Variants in RFC1 observed in about 807,000 individuals in gnomAD.
RFC1 encodes the protein A1 140 kDa subunit.
Under a neutral mutation model 137.4 loss-of-function variants are expected in RFC1, and 37 were observed. That is an observed-to-expected ratio of 0.27 (90% CI 0.21 to 0.35). The LOEUF is 0.35. Among genes scored for constraint, RFC1 ranks in the 10% least tolerant of loss-of-function variants. The probability of loss-of-function intolerance (pLI) is 1.00; values close to 1 mark genes in which losing one functional copy is unlikely to be tolerated. For synonymous variants in RFC1, 429 were observed against 455.7 expected (o/e 0.94, Z 0.75); for missense variants, 1,205 against 1,358.5 (o/e 0.89, Z 1.78).
At chr4:39,327,449 A>C in intron 5 of RFC1, 75 bp downstream of exon 5, 1 of 847,734 alleles carries the variant, frequency 1.2e-6, no homozygotes, top group Non-Finnish European at 1.8e-6. Context: ...TATTTACTAC[A>C]TCCTAGTTTC....
chr4:39,348,484 A>G (rs569249903), intron 2 of RFC1, among the ~76,000 whole-genome samples: 38 of 103,440 alleles, frequency 3.7e-4, no homozygotes, highest in Non-Finnish European at 4.7e-4. Flanking sequence ...GAAAAGAAAA[A>G]GCATGTTCTA....
At chr4:39,328,377 T>C (rs1578142445) in intron 4 of RFC1, among the ~76,000 whole-genome samples, 1 of 152,170 alleles carries the variant, frequency 6.6e-6, no homozygotes, top group Non-Finnish European at 1.5e-5. Context: ...AGGAAACAGA[T>C]ATACAAATAA....
At chr4:39,343,677 CG>C (rs2109734748) in intron 3 of RFC1, among the ~76,000 whole-genome samples, 1 of 152,290 alleles carries the variant, frequency 6.6e-6, no homozygotes, top group Non-Finnish European at 1.5e-5. Context: ...AAGAGGAACG[CG>C]TACTTCTTTC....
At chr4:39,299,908 C>T (rs1328950255) in intron 21 of RFC1, 113 bp downstream of exon 21, 34 of 690,172 alleles carry the variant, frequency 4.9e-5, no homozygotes, top group Non-Finnish European at 7.4e-5. Context: ...GAGCGAGACT[C>T]GATCTCAAAA....
intron 19 of RFC1, among the ~76,000 whole-genome samples, chr4:39,300,713 G>T (rs998543011): frequency 2.0e-5 from 3 of 152,122 alleles, no homozygotes; most frequent in African/African-American, 7.2e-5. Flanking sequence ...TGTCCTTTTA[G>T]TAGGTAAATA....
chr4:39,347,130 T>G (rs1026619853), intron 2 of RFC1, among the ~76,000 whole-genome samples: 5 of 152,242 alleles, frequency 3.3e-5, no homozygotes, highest in Middle Eastern at 3.2e-3. Context: ...GAGGCTAATT[T>G]CATATGTGAA....
chr4:39,299,475 T>C (rs574098210), intron 21 of RFC1, among the ~76,000 whole-genome samples: 1 of 151,736 alleles, frequency 6.6e-6, no homozygotes, highest in South Asian at 2.1e-4. Context: ...TAGCTGGGCG[T>C]GGTGACGGGC....
At chr4:39,348,079 C>T (rs1292964448) in intron 2 of RFC1, among the ~76,000 whole-genome samples, 1 of 152,012 alleles carries the variant, frequency 6.6e-6, no homozygotes, top group African/African-American at 2.4e-5. Context: ...CCAAAAGGGA[C>T]CAGAACTTGA....
In RFC1 at chr4:39,365,515, T is replaced by C. The variant is rs1468622149; in HGVS notation, c.3+724A>G. The C allele has an allele frequency of 4.1e-6, 4 of 985,098 alleles. No individual in the cohort carries two copies. In the African/African-American group the frequency reaches 7.0e-5, roughly 17 times the overall value. 61.0% of individuals were successfully genotyped at this position (985,098 alleles called of 1,614,324 possible). A position where few individuals can be genotyped will look rare whatever the true frequency, so the allele number is the denominator to read the frequency against. ...ATAATCATTTCACTTTCAATTTGTT[T>C]GAACATTTTATCCAGAATTATGCAG... On this transcript the variant is annotated intron_variant, in intron 1 of 24. Transcript: ENST00000349703.
intron 2 of RFC1, among the ~76,000 whole-genome samples, chr4:39,347,046 T>C (rs748352708): frequency 6.6e-6 from 1 of 152,208 alleles, no homozygotes; most frequent in Non-Finnish European, 1.5e-5. Context: ...CCAAAGTTCC[T>C]ACACTGTATC....
At chr4:39,334,819 G>A (rs935271774) in intron 4 of RFC1, among the ~76,000 whole-genome samples, 3 of 152,104 alleles carry the variant, frequency 2.0e-5, no homozygotes, top group Admixed American at 6.5e-5. Context: ...AATGTGGTAC[G>A]AACAACCAAG....
rs756120296 is a variant in RFC1, at chr4:39,327,596, T to C, written c.492A>G (p.Ser164=). 1.9e-5 allele frequency: 30 copies of C among 1,613,678 alleles called. No homozygotes were observed. Among genetic ancestry groups the C allele is most frequent in the South Asian group, 1.3e-4 (12 of 91,036 alleles). ...TTCCAGTTCCAAAATAATCAAGTAC[T>C]GATGTGGGTGTAAGTTTTATTGGTG... is the stretch of plus-strand genomic sequence containing the variant. ...PLSPIKLTPT[S]VLDYFGTGSV... is the part of the protein sequence containing the mutation. The change falls in exon 5 of 25, where the codon TCA becomes TCG. Residue 164 remains serine, a synonymous_variant. Transcript: ENST00000349703.
intron 2 of RFC1, among the ~76,000 whole-genome samples, chr4:39,347,166 A>T (rs1200815539): frequency 6.6e-6 from 1 of 152,244 alleles, no homozygotes; most frequent in East Asian, 1.9e-4. Context: ...AGATGTCCAG[A>T]TATTTGGTCA....
At chr4:39,332,141 C>A (rs1271250740) in intron 4 of RFC1, among the ~76,000 whole-genome samples, 1 of 152,214 alleles carries the variant, frequency 6.6e-6, no homozygotes, top group African/African-American at 2.4e-5. Context: ...GTCCAATAAA[C>A]CTCTTTCTTT....
intron 11 of RFC1, 78 bp from the exon 12 acceptor site, chr4:39,311,627 T>A: frequency 1.0e-6 from 1 of 1,004,498 alleles, no homozygotes; most frequent in African/African-American, 1.6e-5. Context: ...AAAAAAATTC[T>A]AGGGCCTATT....
intron 19 of RFC1, among the ~76,000 whole-genome samples, chr4:39,302,031 T>C (rs1007452741): frequency 3.1e-4 from 47 of 152,224 alleles, no homozygotes; most frequent in African/African-American, 1.1e-3. Flanking sequence ...CATTTTATAA[T>C]TGTTGAAGCA....
At chr4:39,344,151 CAGAA>C (rs571931971) in intron 3 of RFC1, among the ~76,000 whole-genome samples, 85 of 150,738 alleles carry the variant, frequency 5.6e-4, no homozygotes, top group Admixed American at 4.6e-3. Flanking sequence ...AAAAATAAAA[CAGAA>C]AGAGAGAATT....
At position 39,288,398 on chromosome 4, in the gene RFC1, C is replaced by A. The variant is rs534549136; in HGVS notation, c.*363G>T. 1 of 166,390 alleles carries A rather than the reference C, an allele frequency of 6.0e-6. No homozygotes were observed. Among genetic ancestry groups the A allele is most frequent in the African/African-American group, 2.4e-5 (1 of 42,086 alleles). 10.3% of individuals were successfully genotyped at this position (166,390 alleles called of 1,614,324 possible). On this transcript the variant is annotated 3_prime_UTR_variant, in exon 25 of 25. Coordinates refer to ENST00000349703, the MANE Select transcript of RFC1 (RefSeq NM_002913.5). ...CCTATAAAGGCCATTAGGATAAATT[C>A]TTAAGCCTACAAAAGACGCCTTAGT...
chr4:39,340,340 G>A lies in RFC1; in HGVS notation c.331+2005C>T, dbSNP rs537200061. On this transcript the variant is annotated intron_variant, in intron 4 of 24. Coordinates refer to ENST00000349703, the MANE Select transcript of RFC1 (RefSeq NM_002913.5). ...CATGTCATATGACACTTTTTCACAA[G>A]AAGCTCCAATCTCCAGACAATCAAT... 2.6e-5 allele frequency among the ~76,000 whole-genome samples: 4 copies of A among 152,226 alleles called. No individual in the cohort carries two copies. The East Asian group carries it at 7.7e-4, about 29-fold the overall frequency.
Sources: allele counts gnomAD v4.1 joint callset (sites outside exome capture counted in the v4.1 genomes callset), GRCh38; gene constraint gnomAD v4.1.1; transcripts MANE v1.5; gene names NCBI Gene and HGNC (gene_info 2026-07-23, HGNC 2026-07-21).